NEDD4L: variants seen among roughly 807,000 people sequenced by gnomAD.
NEDD4L encodes E3 ubiquitin-protein ligase NEDD4-like.
NEDD4L carries 54 observed loss-of-function variants against 148.9 expected under a neutral mutation model. The ratio of observed to expected loss-of-function variants is 0.36; its 90% CI spans 0.29 to 0.45. NEDD4L has a LOEUF of 0.45. Ranked by LOEUF, NEDD4L falls within the 20% of genes least tolerant of loss-of-function variation. The pLI, the probability that NEDD4L is intolerant of heterozygous loss-of-function variation, is 1.00. For missense variants in NEDD4L, 856 were observed against 1,233.8 expected (o/e 0.69, Z 4.59); for synonymous variants, 433 against 440.7 (o/e 0.98, Z 0.22).
intron 5 of NEDD4L, among the ~76,000 whole-genome samples, chr18:58,266,565 C>T (rs543903836): frequency 1.3e-5 from 2 of 152,256 alleles, no homozygotes; most frequent in East Asian, 3.9e-4. Flanking sequence ...AGCTCTTTCA[C>T]TCCATTGCAA....
At chr18:58,232,889 G>T (rs182609749) in intron 2 of NEDD4L, among the ~76,000 whole-genome samples, 1 of 152,188 alleles carries the variant, frequency 6.6e-6, no homozygotes, top group Non-Finnish European at 1.5e-5. Context: ...TCACAGGTAG[G>T]CGTGTGTTTT....
intron 5 of NEDD4L, among the ~76,000 whole-genome samples, chr18:58,312,182 T>A (rs1261271561): frequency 1.3e-5 from 2 of 152,240 alleles, no homozygotes; most frequent in Non-Finnish European, 2.9e-5. Flanking sequence ...GAAAAATATT[T>A]GATGGCTCAT....
intron 1 of NEDD4L, among the ~76,000 whole-genome samples, chr18:58,121,911 A>G (rs1319638551): frequency 6.6e-6 from 1 of 151,948 alleles, no homozygotes; most frequent in Non-Finnish European, 1.5e-5. Context: ...AGCCTTTGAG[A>G]CCTTTTTCTC....
At chr18:58,291,016 A>G (rs564790150) in intron 5 of NEDD4L, among the ~76,000 whole-genome samples, 3 of 151,944 alleles carry the variant, frequency 2.0e-5, no homozygotes, top group African/African-American at 7.2e-5. Context: ...CGACCGACCC[A>G]CATGGTCACA....
chr18:58,080,169 C>T (rs1330207177), intron 1 of NEDD4L, among the ~76,000 whole-genome samples: 1 of 152,216 alleles, frequency 6.6e-6, no homozygotes, highest in Non-Finnish European at 1.5e-5. Flanking sequence ...AAGCAGTCCT[C>T]CACCACAGCC....
intron 1 of NEDD4L, among the ~76,000 whole-genome samples, chr18:58,142,979 A>C (rs1000963303): frequency 6.6e-6 from 1 of 152,216 alleles, no homozygotes; most frequent in Non-Finnish European, 1.5e-5. Flanking sequence ...TGATTGGATC[A>C]GTGTTGAACC....
At chr18:58,181,543 C>T (rs750004480) in intron 2 of NEDD4L, among the ~76,000 whole-genome samples, 11 of 152,098 alleles carry the variant, frequency 7.2e-5, no homozygotes, top group Non-Finnish European at 1.2e-4. Flanking sequence ...GCAACCTTCC[C>T]ACGTTAGACT....
intron 1 of NEDD4L, chr18:58,149,375 G>T: frequency 7.0e-7 from 1 of 1,437,310 alleles, no homozygotes. Flanking sequence ...GCTTTCCTGG[G>T]AGTCAAGTTA....
chr18:58,341,833 G>A (rs201439601), intron 15 of NEDD4L, 36 bp downstream of exon 15: 15 of 1,597,146 alleles, frequency 9.4e-6, no homozygotes, highest in Non-Finnish European at 1.3e-5. Flanking sequence ...GACTCACTCT[G>A]TCCTGTGACT....
intron 25 of NEDD4L, among the ~76,000 whole-genome samples, chr18:58,384,627 G>A (rs1331398386): frequency 2.0e-5 from 3 of 152,192 alleles, no homozygotes. Context: ...GCCAGGCAGG[G>A]TTCCAGCTAG....
chr18:58,354,626 T>A (rs1239691464), intron 18 of NEDD4L, among the ~76,000 whole-genome samples: 1 of 152,228 alleles, frequency 6.6e-6, no homozygotes, highest in African/African-American at 2.4e-5. Context: ...ATGCACTAAG[T>A]TCCTGTTACC....
intron 6 of NEDD4L, 87 bp downstream of exon 6, chr18:58,316,119 C>A: frequency 9.2e-7 from 1 of 1,089,578 alleles, no homozygotes; most frequent in Non-Finnish European, 1.4e-6. Flanking sequence ...AGTGGCATTT[C>A]TTCACCACGG....
chr18:58,146,267 G>A (rs2034088357), intron 1 of NEDD4L, among the ~76,000 whole-genome samples: 1 of 152,172 alleles, frequency 6.6e-6, no homozygotes, highest in Admixed American at 6.5e-5. Flanking sequence ...GAGGTTTCTA[G>A]AGATGAGGTG....
At chr18:58,237,443 A>G (rs2046168360) in intron 2 of NEDD4L, among the ~76,000 whole-genome samples, 1 of 152,214 alleles carries the variant, frequency 6.6e-6, no homozygotes, top group Non-Finnish European at 1.5e-5. Context: ...ATATATGGGG[A>G]AAAGGCATAA....
intron 2 of NEDD4L, among the ~76,000 whole-genome samples, chr18:58,242,869 T>G (rs950419495): frequency 6.6e-6 from 1 of 152,196 alleles, no homozygotes; most frequent in African/African-American, 2.4e-5. Flanking sequence ...TGGCCTTTGG[T>G]TCTCTCTTCA....
chr18:58,071,388 A>G (rs568853492), intron 1 of NEDD4L, among the ~76,000 whole-genome samples: 6 of 152,324 alleles, frequency 3.9e-5, no homozygotes, highest in Non-Finnish European at 7.3e-5. Flanking sequence ...AAGAACCAAT[A>G]GAAATTCTGG....
intron 2 of NEDD4L, among the ~76,000 whole-genome samples, chr18:58,180,428 C>T (rs1047180343): frequency 2.0e-5 from 3 of 152,146 alleles, no homozygotes; most frequent in East Asian, 3.9e-4. Context: ...GGGCCAGCAC[C>T]GAGTCCTGCA....
rs56093190 is a variant in NEDD4L at position 58,078,015 on chromosome 18, A to ATT, written c.48+33323_48+33324dup. ...CAATAGTGCTGAGGCTGAGAAACGT[A>ATT]TTTTTTTTTTTTTTTTTGCCTAAAA... On this transcript the variant is annotated intron_variant, in intron 1 of 30. Coordinates refer to ENST00000400345, the MANE Select transcript of NEDD4L (RefSeq NM_001144967.3). Among the ~76,000 whole-genome samples the ATT allele has an allele frequency of 3.8e-3, 538 of 143,068 alleles. 3 individuals carry two copies. The highest frequency in any genetic ancestry group is 0.012 in the African/African-American group (459 of 38,824). 93.9% of individuals were successfully genotyped at this position (143,068 alleles called of 152,430 possible).
At chr18:58,362,693 C>T (rs1403474577) in intron 19 of NEDD4L, among the ~76,000 whole-genome samples, 1 of 152,168 alleles carries the variant, frequency 6.6e-6, no homozygotes, top group African/African-American at 2.4e-5. Context: ...TGTTATTTTT[C>T]TGGCACCTAA....
Sources: gnomAD v4.1 joint callset for allele counts (sites outside exome capture counted in the v4.1 genomes callset) on GRCh38, gnomAD v4.1.1 for gene constraint, MANE v1.5 for transcripts, NCBI Gene and HGNC (gene_info 2026-07-23, HGNC 2026-07-21) for gene names.